Variants in CPQ observed in about 807,000 individuals in gnomAD.
CPQ encodes the protein carboxypeptidase Q.
Under a neutral mutation model 45.7 loss-of-function variants are expected in CPQ, and 37 were observed. The observed-to-expected ratio is 0.81, with a 90% CI of 0.62 to 1.07. The LOEUF (loss-of-function observed/expected upper bound fraction) is 1.07. Ranked by LOEUF, CPQ falls within the 50% of genes least tolerant of loss-of-function variation. CPQ has a pLI of 0.00. For synonymous variants in CPQ, 186 were observed against 205.8 expected (o/e 0.90, Z 0.82); for missense variants, 537 against 572.9 (o/e 0.94, Z 0.64).
At chr8:96,818,198 A>G (rs1002711139) in intron 2 of CPQ, among the ~76,000 whole-genome samples, 1 of 151,824 alleles carries the variant, frequency 6.6e-6, no homozygotes, top group Non-Finnish European at 1.5e-5. Flanking sequence ...CTGCACCCAT[A>G]TAAGAAGAGA....
At chr8:97,074,437 G>A (rs1423137518) in intron 7 of CPQ, among the ~76,000 whole-genome samples, 5 of 152,144 alleles carry the variant, frequency 3.3e-5, no homozygotes, top group Non-Finnish European at 7.4e-5. Flanking sequence ...GAAAGACGTG[G>A]AAGAGAGGAG....
intron 1 of CPQ, among the ~76,000 whole-genome samples, chr8:96,777,471 T>G (rs1371968033): frequency 6.6e-6 from 1 of 151,914 alleles, no homozygotes; most frequent in Admixed American, 6.6e-5. Context: ...ACCCGCTGTC[T>G]CCTTAGCACA....
intron 7 of CPQ, among the ~76,000 whole-genome samples, chr8:97,124,870 CA>C (rs751449550): frequency 3.3e-5 from 5 of 151,692 alleles, no homozygotes; most frequent in Non-Finnish European, 7.4e-5. Context: ...AAGAAGCTAA[CA>C]ACAACAACAA....
chr8:96,751,543 T>G (rs537961999), intron 1 of CPQ, among the ~76,000 whole-genome samples: 14 of 152,328 alleles, frequency 9.2e-5, no homozygotes, highest in South Asian at 6.2e-4. Context: ...ATTAGACCTC[T>G]CTCAGATTAT....
chr8:96,871,506 T>A (rs542489603), intron 3 of CPQ, among the ~76,000 whole-genome samples: 19 of 151,122 alleles, frequency 1.3e-4, no homozygotes, highest in African/African-American at 3.9e-4. Context: ...ATTGCTACTG[T>A]GATAGCTTCA....
At position 96,752,804 on chromosome 8, in the gene CPQ, C is replaced by T. The variant is rs144509388; in HGVS notation, c.-34-32060C>T. ...CTGATTATATCATGATATGAGGTTA[C>T]ATCCCTTCCTTGGTATGAGTTTGTG... On this transcript the variant is annotated intron_variant, in intron 1 of 7. Coordinates refer to ENST00000220763, the MANE Select transcript of CPQ (RefSeq NM_016134.4). 3.3e-3 allele frequency among the ~76,000 whole-genome samples: 504 copies of T among 152,166 alleles called. 7 individuals carry two copies. The highest frequency in any genetic ancestry group is 0.012 in the African/African-American group (479 of 41,540).
intron 4 of CPQ, among the ~76,000 whole-genome samples, chr8:96,899,580 G>A (rs780577550): frequency 6.6e-6 from 1 of 152,222 alleles, no homozygotes; most frequent in South Asian, 2.1e-4. Context: ...GGCAACTCAC[G>A]TGGCGGGAGT....
intron 1 of CPQ, among the ~76,000 whole-genome samples, chr8:96,714,690 C>A (rs1023463679): frequency 2.6e-5 from 4 of 151,958 alleles, no homozygotes; most frequent in African/African-American, 4.8e-5. Flanking sequence ...CTACTGTGAC[C>A]TTTTGGGGGT....
intron 6 of CPQ, among the ~76,000 whole-genome samples, chr8:97,030,194 C>T (rs1172339613): frequency 6.6e-6 from 1 of 152,202 alleles, no homozygotes; most frequent in Non-Finnish European, 1.5e-5. Flanking sequence ...ACTCCAAAAT[C>T]AACGCGCATA....
chr8:96,678,304 C>T (rs1160055680), intron 1 of CPQ, among the ~76,000 whole-genome samples: 1 of 152,076 alleles, frequency 6.6e-6, no homozygotes, highest in Non-Finnish European at 1.5e-5. Context: ...TATCCATGAG[C>T]ATGGGATGTG....
chr8:97,099,848 A>G (rs949235147), intron 7 of CPQ, among the ~76,000 whole-genome samples: 1 of 152,182 alleles, frequency 6.6e-6, no homozygotes, highest in African/African-American at 2.4e-5. Flanking sequence ...AAGAATTCCT[A>G]ATGTACTTTC....
intron 4 of CPQ, among the ~76,000 whole-genome samples, chr8:96,912,469 T>TATA (rs1237415304): frequency 6.6e-6 from 1 of 152,160 alleles, no homozygotes; most frequent in African/African-American, 2.4e-5. Context: ...AAAGTTCTAG[T>TATA]ATAATAATAA....
chr8:96,891,007 G>A (rs144104676), intron 4 of CPQ, among the ~76,000 whole-genome samples: 98 of 152,258 alleles, frequency 6.4e-4, no homozygotes, highest in African/African-American at 2.2e-3. Context: ...AAGTATTGTC[G>A]CCTAGTTGGC....
At chr8:96,858,310 T>C (rs1811878441) in intron 3 of CPQ, among the ~76,000 whole-genome samples, 1 of 152,188 alleles carries the variant, frequency 6.6e-6, no homozygotes, top group Non-Finnish European at 1.5e-5. Context: ...TCATTTTCTC[T>C]ATCTTGTGGC....
At chr8:96,751,140 G>A (rs747314584) in intron 1 of CPQ, among the ~76,000 whole-genome samples, 16 of 152,100 alleles carry the variant, frequency 1.1e-4, no homozygotes, top group East Asian at 1.9e-4. Flanking sequence ...ATATTCCTTT[G>A]GTTATATACC....
chr8:96,962,733 A>ACTT (rs1420530812), intron 4 of CPQ, among the ~76,000 whole-genome samples: 4 of 152,150 alleles, frequency 2.6e-5, no homozygotes, highest in African/African-American at 7.2e-5. Context: ...TTTTGAGTGA[A>ACTT]ACCTCCTGCA....
chr8:96,781,523 C>T (rs1810684869), intron 1 of CPQ, among the ~76,000 whole-genome samples: 2 of 152,182 alleles, frequency 1.3e-5, no homozygotes, highest in African/African-American at 4.8e-5. Flanking sequence ...CTTAAAGGTC[C>T]TACCTTCCAA....
chr8:96,905,153 G>A (rs909391525), intron 4 of CPQ, among the ~76,000 whole-genome samples: 1 of 152,038 alleles, frequency 6.6e-6, no homozygotes, highest in Admixed American at 6.6e-5. Context: ...ATCTTACATG[G>A]TGACAGGAGA....
At chr8:96,936,757 A>G (rs1323872901) in intron 4 of CPQ, among the ~76,000 whole-genome samples, 1 of 152,194 alleles carries the variant, frequency 6.6e-6, no homozygotes, top group Non-Finnish European at 1.5e-5. Context: ...GGAAGGGAGT[A>G]TGGTCTGTTT....
Sources: allele counts gnomAD v4.1 joint callset (sites outside exome capture counted in the v4.1 genomes callset), GRCh38; gene constraint gnomAD v4.1.1; transcripts MANE v1.5; gene names NCBI Gene and HGNC (gene_info 2026-07-23, HGNC 2026-07-21).